Variants in PDE4D observed in about 807,000 individuals in gnomAD.
PDE4D encodes phosphodiesterase 4D, also known as 3',5'-cyclic-AMP phosphodiesterase 4D.
In PDE4D, 24 loss-of-function variants were observed where a neutral mutation model predicts 87.4. The observed-to-expected ratio is 0.27, with a 90% confidence interval of 0.20 to 0.39. The LOEUF (loss-of-function observed/expected upper bound fraction) is 0.39, where lower values mean the gene tolerates loss of function less well. Among genes scored for constraint, PDE4D ranks in the 10% least tolerant of loss-of-function variants. The probability of loss-of-function intolerance (pLI) is 1.00; values close to 1 mark genes in which losing one functional copy is unlikely to be tolerated. For synonymous variants in PDE4D, 384 were observed against 383.2 expected, an observed-to-expected ratio of 1.00 and a Z score of -0.02; for missense variants, 714 against 1,041.0, an observed-to-expected ratio of 0.69 and a Z score of 4.32.
At chr5:59,651,977 C>A (rs1743580686) in intron 1 of PDE4D, among the ~76,000 whole-genome samples, 1 of 152,106 alleles carries the variant, frequency 6.6e-6, no homozygotes, top group South Asian at 2.1e-4. Context: ...TATCAAGTGA[C>A]CAAGGATATA....
intron 1 of PDE4D, among the ~76,000 whole-genome samples, chr5:59,315,192 G>A (rs757122577): frequency 5.3e-5 from 8 of 152,034 alleles, no homozygotes; most frequent in Admixed American, 2.6e-4. Flanking sequence ...TTTCCTGGTC[G>A]TGACACAGAA....
intron 3 of PDE4D, among the ~76,000 whole-genome samples, chr5:59,975,129 T>C (rs904346082): frequency 1.3e-5 from 2 of 152,188 alleles, no homozygotes; most frequent in African/African-American, 2.4e-5. Flanking sequence ...TACTTCCTTG[T>C]CTCTGACTTC....
intron 1 of PDE4D, among the ~76,000 whole-genome samples, chr5:60,388,030 C>A (rs1427945512): frequency 1.3e-5 from 2 of 152,124 alleles, no homozygotes; most frequent in East Asian, 3.9e-4. Flanking sequence ...TTTACCCTTA[C>A]CAGTTTATTA....
intron 5 of PDE4D, among the ~76,000 whole-genome samples, chr5:59,059,892 A>C (rs1762884452): frequency 6.6e-6 from 1 of 152,146 alleles, no homozygotes; most frequent in African/African-American, 2.4e-5. Context: ...ATGTCCCCTA[A>C]TATTGATGCT....
At chr5:60,199,566 G>A (rs1741671030) in intron 1 of PDE4D, among the ~76,000 whole-genome samples, 1 of 151,594 alleles carries the variant, frequency 6.6e-6, no homozygotes, top group Admixed American at 6.6e-5. Context: ...TCATCTCAGG[G>A]CTTATTAGTT....
intron 1 of PDE4D, among the ~76,000 whole-genome samples, chr5:59,674,142 T>C (rs1380808855): frequency 1.3e-5 from 2 of 152,234 alleles, no homozygotes; most frequent in Non-Finnish European, 2.9e-5. Context: ...GAGATTAACC[T>C]ATTCCTTAAT....
intron 2 of PDE4D, among the ~76,000 whole-genome samples, chr5:60,120,759 T>C (rs1158572390): frequency 2.0e-5 from 3 of 152,174 alleles, no homozygotes; most frequent in Non-Finnish European, 4.4e-5. Context: ...TGCATCAACC[T>C]GCAGCAACGG....
chr5:59,009,385 T>C (rs1752310754), intron 6 of PDE4D, among the ~76,000 whole-genome samples: 1 of 151,532 alleles, frequency 6.6e-6, no homozygotes, highest in African/African-American at 2.4e-5. Flanking sequence ...TGGAAAAAAA[T>C]GAAATACTAA....
At chr5:59,944,607 A>G (rs930944488) in intron 3 of PDE4D, among the ~76,000 whole-genome samples, 4 of 151,760 alleles carry the variant, frequency 2.6e-5, no homozygotes, top group Non-Finnish European at 5.9e-5. Context: ...TCCTGACCTC[A>G]TGATCTGCCC....
Position 59,893,588 on chromosome 5 carries a change from G to A in PDE4D, c.35C>T (p.Ala12Val). 1 of 1,521,450 alleles carries A rather than the reference G, an allele frequency of 6.6e-7. No homozygotes were observed. The allele number at this position is 1,521,450 out of a possible 1,614,324, so 94.2% of individuals were successfully genotyped here. ...EAEGSSAPAR[A>V]GSGEGSDSAG... is the part of the protein sequence containing the mutation. ...GCTGTCGCTGCCCTCTCCGCTGCCC[G>A]CCCGGGCCGGCGCGCTGCTGCCCTC... Residue 12 changes from alanine to valine, a missense_variant, in exon 1 of 15, where the codon GCG becomes GTG. Ala to Val is a moderately conservative substitution (Grantham distance 64). Coordinates refer to ENST00000340635, the MANE Select transcript of PDE4D (RefSeq NM_001104631.2).
chr5:59,775,229 C>A (rs1403472543), intron 1 of PDE4D, among the ~76,000 whole-genome samples: 3 of 151,872 alleles, frequency 2.0e-5, no homozygotes, highest in African/African-American at 7.3e-5. Flanking sequence ...TATTATAATA[C>A]CCTATATTTC....
At chr5:59,202,232 G>C (rs749291944) in intron 2 of PDE4D, among the ~76,000 whole-genome samples, 1 of 151,946 alleles carries the variant, frequency 6.6e-6, no homozygotes, top group Non-Finnish European at 1.5e-5. Flanking sequence ...AGTAGAGACA[G>C]GATTTCACCG....
At chr5:59,187,945 C>T (rs962183550) in intron 3 of PDE4D, among the ~76,000 whole-genome samples, 1 of 151,888 alleles carries the variant, frequency 6.6e-6, no homozygotes, top group South Asian at 2.1e-4. Context: ...CTCTTGGTGT[C>T]GTCATCACTG....
intron 5 of PDE4D, among the ~76,000 whole-genome samples, chr5:59,053,362 T>TACACACACACACACAC (rs57805618): frequency 7.0e-6 from 1 of 142,072 alleles, no homozygotes; most frequent in Non-Finnish European, 1.5e-5. Flanking sequence ...TGGGTGTACA[T>TACACACACACACACAC]ACACACACAC....
intron 1 of PDE4D, among the ~76,000 whole-genome samples, chr5:60,215,783 A>T (rs771254885): frequency 6.6e-6 from 1 of 152,190 alleles, no homozygotes; most frequent in Non-Finnish European, 1.5e-5. Flanking sequence ...CCAGCCGTCC[A>T]GATGATTTGT....
intron 1 of PDE4D, among the ~76,000 whole-genome samples, chr5:60,435,880 A>G (rs527437852): frequency 6.6e-6 from 1 of 152,204 alleles, no homozygotes; most frequent in South Asian, 2.1e-4. Flanking sequence ...TCTTAAGCTA[A>G]CATTTATTAA....
At chr5:59,383,625 T>G (rs1229795859) in intron 1 of PDE4D, among the ~76,000 whole-genome samples, 1 of 152,144 alleles carries the variant, frequency 6.6e-6, no homozygotes, top group Non-Finnish European at 1.5e-5. Flanking sequence ...TTGTTCACTA[T>G]TGAATACCCA....
At chr5:60,076,861 T>C (rs796977324) in intron 2 of PDE4D, among the ~76,000 whole-genome samples, 8 of 152,310 alleles carry the variant, frequency 5.3e-5, no homozygotes, top group African/African-American at 1.9e-4. Context: ...TGTGGCAGTG[T>C]GCTAGCAGGT....
intron 1 of PDE4D, among the ~76,000 whole-genome samples, chr5:59,719,319 G>A (rs1039090827): frequency 6.6e-6 from 1 of 152,168 alleles, no homozygotes; most frequent in Non-Finnish European, 1.5e-5. Context: ...GAGTTGGGAA[G>A]AGATTTGTAG....
Sources: gnomAD v4.1 joint callset for allele counts (sites outside exome capture counted in the v4.1 genomes callset) on GRCh38, gnomAD v4.1.1 for gene constraint, MANE v1.5 for transcripts, NCBI Gene and HGNC (gene_info 2026-07-23, HGNC 2026-07-21) for gene names.